Variants in CEP83 observed in about 807,000 individuals in gnomAD.
CEP83 encodes centrosomal protein 83.
Under a neutral mutation model 101.9 loss-of-function variants are expected in CEP83, and 70 were observed. The ratio of observed to expected loss-of-function variants is 0.69; its 90% CI spans 0.57 to 0.84. The LOEUF (loss-of-function observed/expected upper bound fraction) is 0.84. Ranked by LOEUF, CEP83 falls within the 40% of genes least tolerant of loss-of-function variation. CEP83 has a pLI of 0.00. For synonymous variants in CEP83, 264 were observed against 267.9 expected, an observed-to-expected ratio of 0.99 and a Z score of 0.14; for missense variants, 715 against 787.2, an observed-to-expected ratio of 0.91 and a Z score of 1.10.
chr12:94,270,890 AGG>A, the CEP83 span, among the ~76,000 whole-genome samples: 1 of 151,910 alleles, frequency 6.6e-6, no homozygotes, highest in African/African-American at 2.4e-5. Flanking sequence ...GGAAAGGAAA[AGG>A]GGAGCAGAGT....
intron 2 of CEP83, among the ~76,000 whole-genome samples, chr12:94,434,296 G>T (rs188291792): frequency 6.6e-6 from 1 of 151,838 alleles, no homozygotes; most frequent in Admixed American, 6.6e-5. Flanking sequence ...TAAGAGATAT[G>T]AAACAAAAAA....
Position 94,328,550 on chromosome 12 carries a change from T to C in CEP83, c.1707+3150A>G, listed in dbSNP as rs1300578569. Among the ~76,000 whole-genome samples the C allele has an allele frequency of 4.6e-5, 7 of 152,354 alleles. No individual in the cohort carries two copies. The East Asian group carries it at 7.7e-4, about 17-fold the overall frequency. On this transcript the variant is annotated intron_variant, in intron 14 of 16. Coordinates refer to ENST00000397809, the MANE Select transcript of CEP83 (RefSeq NM_016122.3). Reference sequence around the variant, plus strand: ...TTACATCTTACGGCAAAAAATGCTATGACTTTTGGCATTAAAGAATCTAAG... The same window carrying C: ...TTACATCTTACGGCAAAAAATGCTACGACTTTTGGCATTAAAGAATCTAAG...
chr12:94,400,962 G>T lies in CEP83; in HGVS notation c.437C>A (p.Ala146Asp). 1 of 1,425,802 alleles carries T rather than the reference G, an allele frequency of 7.0e-7. No homozygotes were observed. Among genetic ancestry groups the T allele is most frequent in the Non-Finnish European group, 9.2e-7 (1 of 1,083,400 alleles). The allele number at this position is 1,425,802 out of a possible 1,614,324, so 88.3% of individuals were successfully genotyped here. Reference sequence around the variant, plus strand: ...TTCATAGCGAAGCTTATTATATACAGCTCTATACTTTTCTACCTCCTAAAG... The same window carrying T: ...TTCATAGCGAAGCTTATTATATACATCTCTATACTTTTCTACCTCCTAAAG... The part of the protein sequence containing the change: ...NLDEEVEKYR[A>D]VYNKLRYEHT... Residue 146 changes from alanine to aspartate, a missense_variant, in exon 6 of 17, where the codon GCT becomes GAT. Coordinates refer to ENST00000397809, the MANE Select transcript of CEP83 (RefSeq NM_016122.3).
At chr12:94,302,602 T>A (rs116958152), downstream of CEP83, among the ~76,000 whole-genome samples, 1,283 of 152,310 alleles carry the variant, frequency 8.4e-3, 6 homozygotes, top group Middle Eastern at 0.017. Flanking sequence ...ACACTTCACT[T>A]AATCCTCACA....
At chr12:94,394,142 C>T (rs1403999634) in intron 6 of CEP83, among the ~76,000 whole-genome samples, 2 of 151,960 alleles carry the variant, frequency 1.3e-5, no homozygotes, top group African/African-American at 2.4e-5. Flanking sequence ...CATATGGAAC[C>T]AAAAAAGAGC....
chr12:94,366,704 A>T (rs1235774004), intron 11 of CEP83, among the ~76,000 whole-genome samples: 3 of 152,194 alleles, frequency 2.0e-5, no homozygotes, highest in Non-Finnish European at 4.4e-5. Context: ...TCTAGTACCA[A>T]TAAGCATACC....
At chr12:94,334,969 T>C (rs2059390850) in intron 12 of CEP83, among the ~76,000 whole-genome samples, 1 of 151,960 alleles carries the variant, frequency 6.6e-6, no homozygotes, top group African/African-American at 2.4e-5. Flanking sequence ...TTAGAAACCA[T>C]AACTGCACAT....
In CEP83 at chr12:94,342,977, T is replaced by C. The variant is rs111844769; in HGVS notation, c.1344-7313A>G. Among the ~76,000 whole-genome samples, 587 of 152,136 alleles carry C rather than the reference T, an allele frequency of 3.9e-3. 3 individuals are homozygous for C. The highest frequency in any genetic ancestry group is 0.014 in the African/African-American group (562 of 41,528). The stretch of plus-strand genomic sequence containing the variant: ...ATAGGAGACTTTAATATATCATTCT[T>C]TGTACAAGACAAATCAAGTGGACAA... On this transcript the variant is annotated intron_variant, in intron 11 of 16. Transcript: ENST00000397809.
chr12:94,343,980 G>C (rs1476132306), intron 11 of CEP83, among the ~76,000 whole-genome samples: 2 of 152,194 alleles, frequency 1.3e-5, no homozygotes, highest in East Asian at 3.8e-4. Context: ...GGATAGACAA[G>C]AGGGGATGCA....
chr12:94,390,798 G>A (rs2062473892), intron 6 of CEP83, among the ~76,000 whole-genome samples: 1 of 152,200 alleles, frequency 6.6e-6, no homozygotes, highest in Admixed American at 6.5e-5. Flanking sequence ...CTGATGGAGT[G>A]CAAACCATGG....
At chr12:94,289,375 C>T in the CEP83 span, among the ~76,000 whole-genome samples, 1 of 152,176 alleles carries the variant, frequency 6.6e-6, no homozygotes, top group African/African-American at 2.4e-5. Flanking sequence ...GTTGTCACAT[C>T]GAATCCTAGA....
At chr12:94,282,505 C>T in the CEP83 span, 3 of 769,006 alleles carry the variant, frequency 3.9e-6, no homozygotes, top group Non-Finnish European at 2.2e-6. Context: ...CCTGGAATGA[C>T]TTGCAGATCG....
chr12:94,385,032 T>G (rs1257702531), intron 6 of CEP83, among the ~76,000 whole-genome samples: 1 of 152,172 alleles, frequency 6.6e-6, no homozygotes, highest in Non-Finnish European at 1.5e-5. Flanking sequence ...ATTAGCTGGC[T>G]TTTTGTGATA....
intron 6 of CEP83, among the ~76,000 whole-genome samples, chr12:94,400,367 G>A (rs1438181452): frequency 2.0e-5 from 3 of 152,172 alleles, no homozygotes; most frequent in Non-Finnish European, 2.9e-5. Context: ...CATTCCAGTT[G>A]CAAATGGCAG....
chr12:94,355,727 GAAC>G (rs2060437155), intron 11 of CEP83, among the ~76,000 whole-genome samples: 1 of 152,220 alleles, frequency 6.6e-6, no homozygotes, highest in Non-Finnish European at 1.5e-5. Context: ...CGAGGGCAAG[GAAC>G]ACCTGGCCCG....
At chr12:94,405,689 G>C (rs1321409246) in intron 4 of CEP83, among the ~76,000 whole-genome samples, 1 of 152,172 alleles carries the variant, frequency 6.6e-6, no homozygotes, top group Non-Finnish European at 1.5e-5. Context: ...GCAAAAGGCA[G>C]ATCCCTGAGA....
chr12:94,402,537 T>C (rs2137605835), intron 5 of CEP83, among the ~76,000 whole-genome samples: 1 of 152,122 alleles, frequency 6.6e-6, no homozygotes, highest in Admixed American at 6.5e-5. Flanking sequence ...AAAGTGACAT[T>C]TTAGCAGACT....
chr12:94,339,329 G>A (rs1218979389), intron 11 of CEP83, among the ~76,000 whole-genome samples: 2 of 152,116 alleles, frequency 1.3e-5, no homozygotes, highest in South Asian at 2.1e-4. Context: ...AGGACAGAAT[G>A]CCTACCCTTG....
chr12:94,348,151 CAAGA>C (rs2060027324), intron 11 of CEP83, among the ~76,000 whole-genome samples: 2 of 150,510 alleles, frequency 1.3e-5, no homozygotes, highest in Non-Finnish European at 3.0e-5. Flanking sequence ...CTGACTTGAC[CAAGA>C]AAGAAAGAAA....
Sources: gnomAD v4.1 joint callset for allele counts (sites outside exome capture counted in the v4.1 genomes callset) on GRCh38, gnomAD v4.1.1 for gene constraint, MANE v1.5 for transcripts, NCBI Gene and HGNC (gene_info 2026-07-23, HGNC 2026-07-21) for gene names.